The following SORCS2 variants were observed in gnomAD, a reference collection of about 807,000 sequenced individuals.
SORCS2 encodes the protein VPS10 domain-containing receptor SorCS2.
SORCS2 carries 100 observed loss-of-function variants against 141.6 expected under a neutral mutation model. The ratio of observed to expected loss-of-function variants is 0.71; its 90% confidence interval spans 0.60 to 0.83. SORCS2 has a LOEUF of 0.83. SORCS2 is among the 40% of genes least tolerant of loss of function. SORCS2 has a pLI of 0.00. For missense variants in SORCS2, 1,646 were observed against 1,560.2 expected (o/e 1.05, Z -0.93); for synonymous variants, 789 against 676.9 (o/e 1.17, Z -2.57).
intron 1 of SORCS2, among the ~76,000 whole-genome samples, chr4:7,277,659 TC>T (rs932585305): frequency 7.7e-5 from 10 of 130,088 alleles, no homozygotes; most frequent in African/African-American, 2.4e-4. Flanking sequence ...CACCACTCCC[TC>T]CGGACTCTGA....
Position 7,629,074 on chromosome 4 carries a change from T to A in SORCS2, c.649-9254T>A, listed in dbSNP as rs200271542. 2.6e-5 allele frequency among the ~76,000 whole-genome samples: 4 copies of A among 152,090 alleles called. No individual in the cohort carries two copies. The East Asian group carries it at 7.7e-4, about 29-fold the overall frequency. The stretch of plus-strand genomic sequence containing the variant: ...GTCATCTGGAGTTCCCTTCCCTCGC[T>A]GTTTTGAAATTTCAAATGTCTCACC... On this transcript the variant is annotated intron_variant, in intron 3 of 26. Coordinates refer to ENST00000507866, the MANE Select transcript of SORCS2 (RefSeq NM_020777.3).
At chr4:7,696,419 G>T (rs899032848) in intron 11 of SORCS2, among the ~76,000 whole-genome samples, 1 of 152,204 alleles carries the variant, frequency 6.6e-6, no homozygotes, top group Admixed American at 6.5e-5. Flanking sequence ...CAGAGGCTGT[G>T]ATGATTTTCC....
chr4:7,258,029 T>G (rs1475790084), intron 1 of SORCS2, among the ~76,000 whole-genome samples: 1 of 152,206 alleles, frequency 6.6e-6, no homozygotes, highest in Non-Finnish European at 1.5e-5. Flanking sequence ...TCTGTCCTCT[T>G]CCTCCTTCAG....
At chr4:7,399,404 T>C (rs1020218988) in intron 2 of SORCS2, among the ~76,000 whole-genome samples, 2 of 152,234 alleles carry the variant, frequency 1.3e-5, no homozygotes, top group Non-Finnish European at 2.9e-5. Context: ...AATACACTTT[T>C]AATGACAAGT....
intron 3 of SORCS2, among the ~76,000 whole-genome samples, chr4:7,570,690 C>T (rs1715330774): frequency 6.6e-6 from 1 of 152,066 alleles, no homozygotes; most frequent in African/African-American, 2.4e-5. Flanking sequence ...TGCTTTTGTC[C>T]CCTTCCCTCC....
chr4:7,573,944 G>A (rs181528291), intron 3 of SORCS2, among the ~76,000 whole-genome samples: 37 of 152,308 alleles, frequency 2.4e-4, no homozygotes, highest in East Asian at 5.8e-4. Context: ...TGGCACACGC[G>A]TCCACTCAGG....
intron 1 of SORCS2, among the ~76,000 whole-genome samples, chr4:7,245,541 G>A (rs1713025945): frequency 6.6e-6 from 1 of 152,214 alleles, no homozygotes; most frequent in African/African-American, 2.4e-5. Context: ...TGATTCCTCA[G>A]GGTCTTTGGT....
At chr4:7,259,635 G>A (rs766193959) in intron 1 of SORCS2, among the ~76,000 whole-genome samples, 7 of 152,166 alleles carry the variant, frequency 4.6e-5, no homozygotes, top group Non-Finnish European at 7.4e-5. Context: ...AGCAGTACCC[G>A]CCTCCCCTCC....
intron 2 of SORCS2, among the ~76,000 whole-genome samples, chr4:7,497,313 C>T (rs896025982): frequency 1.3e-5 from 2 of 152,236 alleles, no homozygotes; most frequent in Non-Finnish European, 2.9e-5. Flanking sequence ...CGCAGCACAG[C>T]GTGGCAGGGT....
At chr4:7,330,070 G>A (rs1719552051) in intron 1 of SORCS2, among the ~76,000 whole-genome samples, 1 of 151,706 alleles carries the variant, frequency 6.6e-6, no homozygotes, top group Admixed American at 6.6e-5. Flanking sequence ...CTTCTTAGGG[G>A]CCACCCGCAT....
At chr4:7,655,202 T>TGTACACACACACACACACAC (rs539590139) in intron 5 of SORCS2, among the ~76,000 whole-genome samples, 48 of 148,982 alleles carry the variant, frequency 3.2e-4, no homozygotes, top group African/African-American at 1.2e-3. Flanking sequence ...CTTGTGCGTG[T>TGTACACACACACACACACAC]ACACACACAC....
chr4:7,559,631 G>A (rs1714386859), intron 3 of SORCS2, among the ~76,000 whole-genome samples: 1 of 152,146 alleles, frequency 6.6e-6, no homozygotes, highest in South Asian at 2.1e-4. Context: ...AGCTGGAGGA[G>A]GCACAGGTCC....
At chr4:7,499,976 T>G (rs1731860822) in intron 2 of SORCS2, among the ~76,000 whole-genome samples, 2 of 152,132 alleles carry the variant, frequency 1.3e-5, no homozygotes, top group South Asian at 4.1e-4. Flanking sequence ...TCCTGGTTTC[T>G]AGGCCGCATC....
chr4:7,620,958 C>T (rs73794315), intron 3 of SORCS2, among the ~76,000 whole-genome samples: 5,487 of 152,174 alleles, frequency 0.036, 296 homozygotes, highest in African/African-American at 0.12. Context: ...TCTCCTGCTG[C>T]GACCCCTGTG....
Position 7,305,252 on chromosome 4 carries a change from C to T in SORCS2, c.481-91036C>T, listed in dbSNP as rs540489044. On this transcript the variant is annotated intron_variant, in intron 1 of 26. Coordinates refer to ENST00000507866, the MANE Select transcript of SORCS2 (RefSeq NM_020777.3). ...TTCACCGTGTTAGCCAGGATGGTCT[C>T]GATCTGCTGACCTCGTGATCTGCCC... is the stretch of plus-strand genomic sequence containing the variant. Among the ~76,000 whole-genome samples, 26 of 152,108 alleles carry T rather than the reference C, an allele frequency of 1.7e-4. No individual in the cohort carries two copies. The South Asian group carries it at 3.5e-3, about 21-fold the overall frequency.
chr4:7,695,028 C>G (rs1724509190), intron 11 of SORCS2, among the ~76,000 whole-genome samples: 1 of 151,872 alleles, frequency 6.6e-6, no homozygotes, highest in Non-Finnish European at 1.5e-5. Context: ...ATTCAGAGCC[C>G]TCAGGGAGCA....
chr4:7,543,518 TCC>T (rs1712881598), intron 3 of SORCS2, among the ~76,000 whole-genome samples: 3 of 122,502 alleles, frequency 2.4e-5, no homozygotes, highest in East Asian at 7.8e-4. Flanking sequence ...CATCCATCCA[TCC>T]GTCCATCCAT....
chr4:7,373,403 G>A (rs924739088), intron 1 of SORCS2, among the ~76,000 whole-genome samples: 12 of 142,322 alleles, frequency 8.4e-5, no homozygotes, highest in Non-Finnish European at 1.8e-4. Context: ...TTCAAATTTG[G>A]GGGTCATTTT....
intron 1 of SORCS2, among the ~76,000 whole-genome samples, chr4:7,228,880 G>A (rs987023763): frequency 2.6e-5 from 4 of 152,198 alleles, no homozygotes; most frequent in African/African-American, 9.6e-5. Flanking sequence ...ATCAGCAGCC[G>A]GGCTGGTGCC....
Sources: allele counts gnomAD v4.1 joint callset (sites outside exome capture counted in the v4.1 genomes callset), GRCh38; gene constraint gnomAD v4.1.1; transcripts MANE v1.5; gene names NCBI Gene and HGNC (gene_info 2026-07-23, HGNC 2026-07-21).